The following XKR9 variants were observed in gnomAD, a reference collection of about 807,000 sequenced individuals.
The protein encoded by XKR9 is XK related 9.
XKR9 carries 32 observed loss-of-function variants against 32.0 expected under a neutral mutation model. That is an observed-to-expected ratio of 1.00 (90% CI 0.76 to 1.34). XKR9 has a LOEUF of 1.34. XKR9 is among the 40% of genes most tolerant of loss of function. The probability of loss-of-function intolerance (pLI) is 0.00; values close to 1 mark genes in which losing one functional copy is unlikely to be tolerated. For synonymous variants in XKR9, 168 were observed against 143.4 expected, an observed-to-expected ratio of 1.17 and a Z score of -1.22; for missense variants, 546 against 429.7, an observed-to-expected ratio of 1.27 and a Z score of -2.39.
rs1563459795 is a variant in XKR9 at position 70,735,047 on chromosome 8, A to AT, written c.*626dup. 1 of 152,108 alleles carries AT rather than the reference A, an allele frequency of 6.6e-6. No homozygotes were observed. 9.4% of individuals were successfully genotyped at this position (152,108 alleles called of 1,614,324 possible). On this transcript the variant is annotated 3_prime_UTR_variant, in exon 5 of 5. Transcript: ENST00000408926. The stretch of plus-strand genomic sequence containing the variant: ...CTTAACATATAATTATATTAATCCT[A>AT]TTTGTGCTAGAATAGTTGTATCTAA...
At chr8:70,717,947 G>C (rs1806146940) in intron 4 of XKR9, among the ~76,000 whole-genome samples, 1 of 152,098 alleles carries the variant, frequency 6.6e-6, no homozygotes, top group South Asian at 2.1e-4. Context: ...TCTAGGACAG[G>C]GGCAAAATGC....
At chr8:70,789,525 GGTACAAAAGAATGAA>G (rs1807735591) in intron 3 of XKR9, 1 of 151,894 alleles carries the variant, frequency 6.6e-6, no homozygotes, top group Non-Finnish European at 1.5e-5. Context: ...CAGACACAGT[GGTACAAAAGAATGAA>G]GTAGAGATGA....
the XKR9 span, among the ~76,000 whole-genome samples, chr8:70,926,445 T>C: frequency 2.6e-5 from 4 of 152,334 alleles, no homozygotes; most frequent in South Asian, 8.3e-4. Context: ...TTGAAAAACT[T>C]TTTCTCTTTT....
intron 3 of XKR9, among the ~76,000 whole-genome samples, chr8:70,699,553 C>T (rs1805434588): frequency 6.6e-6 from 1 of 152,208 alleles, no homozygotes; most frequent in Non-Finnish European, 1.5e-5. Context: ...GAGAGATCTG[C>T]TGTTAGTCTG....
At chr8:70,966,765 T>C in the XKR9 span, among the ~76,000 whole-genome samples, 1 of 152,322 alleles carries the variant, frequency 6.6e-6, no homozygotes, top group East Asian at 1.9e-4. Context: ...AGTCTCTTTG[T>C]AGGTCTCTAA....
chr8:70,911,948 C>T, the XKR9 span, among the ~76,000 whole-genome samples: 1 of 152,164 alleles, frequency 6.6e-6, no homozygotes, highest in South Asian at 2.1e-4. Context: ...GAGGGCACAT[C>T]TAAGCCAGGG....
the XKR9 span, among the ~76,000 whole-genome samples, chr8:70,965,112 G>A: frequency 2.3e-4 from 35 of 152,162 alleles, no homozygotes; most frequent in South Asian, 1.7e-3. Context: ...TTATTTTGAT[G>A]TATATTCCTT....
chr8:70,946,700 A>G, the XKR9 span, among the ~76,000 whole-genome samples: 1 of 152,298 alleles, frequency 6.6e-6, no homozygotes, highest in East Asian at 1.9e-4. Flanking sequence ...TGTTGAGTAC[A>G]AAACCTCTGT....
At chr8:70,845,641 A>C in the XKR9 span, among the ~76,000 whole-genome samples, 4 of 152,308 alleles carry the variant, frequency 2.6e-5, no homozygotes, top group East Asian at 7.7e-4. Flanking sequence ...TCAATGAATG[A>C]AACAAAAAAG....
chr8:70,750,011 T>C (rs1470348029), intron 2 of XKR9, among the ~76,000 whole-genome samples: 2 of 151,824 alleles, frequency 1.3e-5, no homozygotes, highest in Admixed American at 6.6e-5. Context: ...TATAAATGCG[T>C]GTGTGTGTGT....
the XKR9 span, among the ~76,000 whole-genome samples, chr8:71,008,623 T>C: frequency 3.3e-5 from 5 of 152,066 alleles, no homozygotes; most frequent in Non-Finnish European, 7.4e-5. Flanking sequence ...TTTAAGATAA[T>C]TTATTTTATT....
intron 2 of XKR9, among the ~76,000 whole-genome samples, chr8:70,756,594 A>G (rs1041554726): frequency 1.3e-5 from 2 of 152,200 alleles, no homozygotes; most frequent in African/African-American, 4.8e-5. Context: ...TAAATTTATT[A>G]CTAAGTGTTA....
chr8:70,682,090 G>A (rs1252565158), intron 3 of XKR9, among the ~76,000 whole-genome samples: 1 of 152,072 alleles, frequency 6.6e-6, no homozygotes, highest in Admixed American at 6.6e-5. Flanking sequence ...TTTTTAATAT[G>A]TAAAAGAAAC....
At chr8:70,707,817 G>A (rs1472707669) in intron 4 of XKR9, among the ~76,000 whole-genome samples, 3 of 152,104 alleles carry the variant, frequency 2.0e-5, no homozygotes, top group Middle Eastern at 3.4e-3. Context: ...AGGTAAAAAT[G>A]TTCATTTTTT....
rs1806821052 is a variant in XKR9 at position 70,735,094 on chromosome 8, T to C, written c.*670T>C. Reference sequence around the variant, plus strand: ...CTAAATCATATTTTAAAATTATTTTTATTTTTAAAAAATTATGGTAAAAAC... The same window carrying C: ...CTAAATCATATTTTAAAATTATTTTCATTTTTAAAAAATTATGGTAAAAAC... On this transcript the variant is annotated 3_prime_UTR_variant, in exon 5 of 5. Coordinates refer to ENST00000408926, the MANE Select transcript of XKR9 (RefSeq NM_001011720.2). 6.6e-6 allele frequency: 1 copy of C among 152,138 alleles called. No homozygotes were observed. Among genetic ancestry groups the C allele is most frequent in the African/African-American group, 2.4e-5 (1 of 41,436 alleles). The allele number at this position is 152,138 out of a possible 1,614,324, so 9.4% of individuals were successfully genotyped here.
chr8:70,941,941 T>C, the XKR9 span, among the ~76,000 whole-genome samples: 1 of 152,132 alleles, frequency 6.6e-6, no homozygotes, highest in Admixed American at 6.6e-5. Flanking sequence ...ATTATATTAG[T>C]TGTGGACTGG....
At chr8:70,878,287 TC>T in the XKR9 span, among the ~76,000 whole-genome samples, 1 of 152,118 alleles carries the variant, frequency 6.6e-6, no homozygotes, top group Non-Finnish European at 1.5e-5. Flanking sequence ...AATGAGAGGA[TC>T]AAAATCACAC....
the XKR9 span, among the ~76,000 whole-genome samples, chr8:71,050,311 A>C: frequency 2.1e-5 from 3 of 144,504 alleles, no homozygotes; most frequent in Non-Finnish European, 4.5e-5. Context: ...ATAGATATAG[A>C]TATAGATATA....
the XKR9 span, among the ~76,000 whole-genome samples, chr8:70,985,154 G>A: frequency 6.6e-6 from 1 of 152,176 alleles, no homozygotes; most frequent in Non-Finnish European, 1.5e-5. Context: ...TTGATATGTT[G>A]TGGGAGGAAA....
Sources: gnomAD v4.1 joint callset for allele counts (sites outside exome capture counted in the v4.1 genomes callset) on GRCh38, gnomAD v4.1.1 for gene constraint, MANE v1.5 for transcripts, NCBI Gene and HGNC (gene_info 2026-07-23, HGNC 2026-07-21) for gene names.